MAP4K4: variants seen among roughly 807,000 people sequenced by gnomAD.
MAP4K4 encodes HPK/GCK-like kinase HGK.
Under a neutral mutation model 189.6 loss-of-function variants are expected in MAP4K4, and 38 were observed. The ratio of observed to expected loss-of-function variants is 0.20; its 90% confidence interval spans 0.15 to 0.26. The LOEUF (loss-of-function observed/expected upper bound fraction) is 0.26, where lower values mean the gene tolerates loss of function less well. Ranked by LOEUF, MAP4K4 falls within the 10% of genes least tolerant of loss-of-function variation. MAP4K4 has a pLI of 1.00. For synonymous variants in MAP4K4, 610 were observed against 624.3 expected, an observed-to-expected ratio of 0.98 and a Z score of 0.34; for missense variants, 1,054 against 1,726.9, an observed-to-expected ratio of 0.61 and a Z score of 6.91.
At chr2:101,873,933 CT>C (rs34423853) in intron 25 of MAP4K4, 148 bp from the exon 26 acceptor site, 1 of 807,446 alleles carries the variant, frequency 1.2e-6, no homozygotes, top group Non-Finnish European at 1.9e-6. Context: ...AGTCCATTTC[CT>C]TTTTCCATAT....
At chr2:101,764,884 T>G (rs2077953780) in intron 2 of MAP4K4, among the ~76,000 whole-genome samples, 1 of 152,216 alleles carries the variant, frequency 6.6e-6, no homozygotes, top group African/African-American at 2.4e-5. Flanking sequence ...TAATCTCAGA[T>G]TAAAATATTT....
chr2:101,857,242 T>TA (rs570404270), intron 13 of MAP4K4, among the ~76,000 whole-genome samples: 14 of 149,840 alleles, frequency 9.3e-5, no homozygotes, highest in East Asian at 3.9e-4. Flanking sequence ...GCACCACTTT[T>TA]AAAAAAAAAA....
rs762953315 is a variant in MAP4K4, at chr2:101,698,069, C to G, written c.-12C>G. The G allele has an allele frequency of 1.5e-6, 2 of 1,319,662 alleles. No homozygotes were observed. Among genetic ancestry groups the G allele is most frequent in the Non-Finnish European group, 2.0e-6 (2 of 1,000,316 alleles). 81.7% of individuals were successfully genotyped at this position (1,319,662 alleles called of 1,614,324 possible). ...TTTATTGTTATTTGTTTTTTGGTGG[C>G]AAAAAGGGAAAATGGCGAACGACTC... On this transcript the variant is annotated 5_prime_UTR_variant, in exon 1 of 33. Transcript: ENST00000324219.
intron 5 of MAP4K4, among the ~76,000 whole-genome samples, chr2:101,825,886 C>T (rs1279481470): frequency 3.3e-5 from 5 of 152,088 alleles, no homozygotes; most frequent in Non-Finnish European, 4.4e-5. Flanking sequence ...AAGAAAAGTT[C>T]GAATGTTTAA....
At chr2:101,866,713 A>G in intron 19 of MAP4K4, 134 bp downstream of exon 19, 1 of 1,110,618 alleles carries the variant, frequency 9.0e-7, no homozygotes, top group East Asian at 2.5e-5. Flanking sequence ...GTTGCTAGTG[A>G]CAATAATAGT....
In MAP4K4 at chr2:101,755,706, GT is replaced by G. The variant is rs199549968; in HGVS notation, c.124-35013del. Among the ~76,000 whole-genome samples the G allele has an allele frequency of 7.5e-3, 1,139 of 152,110 alleles. 62 individuals are homozygous for G. In the East Asian group the frequency reaches 0.13, roughly 17 times the overall value. On this transcript the variant is annotated intron_variant, in intron 2 of 32. Coordinates refer to ENST00000324219, the Ensembl canonical transcript of MAP4K4. ...CTCTTAAGTTTCTCCATTTAACAGA[GT>G]AGATTGTTGTGAACTCGAAATCAAT...
At chr2:101,725,062 A>G (rs564681601) in intron 2 of MAP4K4, among the ~76,000 whole-genome samples, 2 of 152,344 alleles carry the variant, frequency 1.3e-5, no homozygotes, top group African/African-American at 2.4e-5. Flanking sequence ...GATTGTGGAA[A>G]TGCACTCTGT....
At chr2:101,726,940 C>T (rs1268289553) in intron 2 of MAP4K4, among the ~76,000 whole-genome samples, 1 of 152,178 alleles carries the variant, frequency 6.6e-6, no homozygotes, top group Non-Finnish European at 1.5e-5. Flanking sequence ...TGGAGGCTCT[C>T]TGCAGAGTCC....
intron 3 of MAP4K4, among the ~76,000 whole-genome samples, chr2:101,809,597 C>CT (rs1559024062): frequency 6.6e-6 from 1 of 152,310 alleles, no homozygotes; most frequent in Admixed American, 6.5e-5. Context: ...CTTTTTAAAA[C>CT]TTAAGTACTA....
chr2:101,808,835 G>T (rs1327942777), intron 3 of MAP4K4, among the ~76,000 whole-genome samples: 1 of 151,814 alleles, frequency 6.6e-6, no homozygotes, highest in Non-Finnish European at 1.5e-5. Flanking sequence ...TTTTTTAAAT[G>T]ATGGAAAGGC....
intron 2 of MAP4K4, among the ~76,000 whole-genome samples, chr2:101,737,461 A>ATTTTTTT (rs1173208424): frequency 1.5e-4 from 4 of 26,006 alleles, no homozygotes; most frequent in African/African-American, 1.5e-4. Context: ...ATATATATAT[A>ATTTTTTT]TTTTTTTTTT....
intron 7 of MAP4K4, 32 bp from the exon 8 acceptor site, chr2:101,834,377 A>G (rs1361827540): frequency 1.3e-6 from 2 of 1,541,440 alleles, no homozygotes; most frequent in Non-Finnish European, 8.9e-7. Flanking sequence ...TATCTACTCC[A>G]GTATCTGTAA....
intron 3 of MAP4K4, among the ~76,000 whole-genome samples, chr2:101,817,644 C>T (rs1252610935): frequency 6.6e-6 from 1 of 152,132 alleles, no homozygotes; most frequent in African/African-American, 2.4e-5. Flanking sequence ...GCGCTGGGGG[C>T]TTTGCTGTGT....
intron 2 of MAP4K4, among the ~76,000 whole-genome samples, chr2:101,699,357 C>G (rs1210529405): frequency 3.9e-5 from 6 of 152,182 alleles, no homozygotes; most frequent in African/African-American, 1.4e-4. Flanking sequence ...TAACAGTGTT[C>G]ATTTTATACA....
intron 2 of MAP4K4, among the ~76,000 whole-genome samples, chr2:101,751,893 T>G (rs1418030999): frequency 6.6e-6 from 1 of 152,244 alleles, no homozygotes; most frequent in Non-Finnish European, 1.5e-5. Context: ...TGTTTCAGTT[T>G]GGTCCCAAAG....
intron 22 of MAP4K4, 132 bp downstream of exon 22, chr2:101,869,929 G>A: frequency 1.6e-6 from 2 of 1,255,146 alleles, no homozygotes; most frequent in Non-Finnish European, 2.1e-6. Flanking sequence ...GGATTCAGCA[G>A]CAGGTCGCCT....
chr2:101,728,011 C>G (rs6543093), intron 2 of MAP4K4, among the ~76,000 whole-genome samples: 5,332 of 152,238 alleles, frequency 0.035, 320 homozygotes, highest in African/African-American at 0.12. Flanking sequence ...ACTAAGGGCT[C>G]CAGGGAGAAA....
At chr2:101,809,798 G>A (rs2095294147) in intron 3 of MAP4K4, among the ~76,000 whole-genome samples, 1 of 152,238 alleles carries the variant, frequency 6.6e-6, no homozygotes, top group Admixed American at 6.5e-5. Context: ...CATTGTGTCT[G>A]TGGTTGATGG....
chr2:101,862,832 G>A (rs976519054), intron 16 of MAP4K4, among the ~76,000 whole-genome samples: 2 of 152,100 alleles, frequency 1.3e-5, no homozygotes, highest in Non-Finnish European at 2.9e-5. Context: ...CCTGTATATT[G>A]TAGAAATCAT....
Sources: allele counts gnomAD v4.1 joint callset (sites outside exome capture counted in the v4.1 genomes callset), GRCh38; gene constraint gnomAD v4.1.1; transcripts MANE v1.5; gene names NCBI Gene and HGNC (gene_info 2026-07-23, HGNC 2026-07-21).